Variants in MCF2L observed in about 807,000 individuals in gnomAD.
MCF2L encodes the protein guanine nucleotide exchange factor DBS.
In MCF2L, 97 loss-of-function variants were observed where a neutral mutation model predicts 153.4. The ratio of observed to expected loss-of-function variants is 0.63; its 90% CI spans 0.54 to 0.75. The LOEUF is 0.75. Among genes scored for constraint, MCF2L ranks in the 30% least tolerant of loss-of-function variants. The pLI, the probability that MCF2L is intolerant of heterozygous loss-of-function variation, is 0.00. For synonymous variants in MCF2L, 659 were observed against 632.2 expected (o/e 1.04, Z -0.64); for missense variants, 1,347 against 1,495.2 (o/e 0.90, Z 1.64).
At chr13:113,091,371 G>A (rs926912274) in intron 26 of MCF2L, among the ~76,000 whole-genome samples, 1 of 152,228 alleles carries the variant, frequency 6.6e-6, no homozygotes, top group African/African-American at 2.4e-5. Context: ...AGGTCCTCGA[G>A]GACAGCACGC....
At chr13:113,073,664 C>T (rs2033140913) in intron 9 of MCF2L, among the ~76,000 whole-genome samples, 1 of 152,216 alleles carries the variant, frequency 6.6e-6, no homozygotes, top group Non-Finnish European at 1.5e-5. Context: ...CCTGTAATCC[C>T]AGCACTGTGG....
chr13:113,023,581 G>A (rs1320521), intron 2 of MCF2L, among the ~76,000 whole-genome samples: 43,082 of 152,104 alleles, frequency 0.28, 6,238 homozygotes, highest in South Asian at 0.46. Context: ...GTGAGGACGT[G>A]GATGAGGGGC....
At chr13:113,037,647 A>G (rs1256258810) in intron 3 of MCF2L, among the ~76,000 whole-genome samples, 1 of 152,176 alleles carries the variant, frequency 6.6e-6, no homozygotes, top group Admixed American at 6.5e-5. Context: ...TTGTTTAAAA[A>G]TATGTTTGAG....
intron 26 of MCF2L, among the ~76,000 whole-genome samples, chr13:113,091,771 C>T (rs375159857): frequency 6.6e-6 from 1 of 151,816 alleles, no homozygotes; most frequent in East Asian, 2.0e-4. Context: ...GAAAACTGCC[C>T]TGTGAAGCCC....
chr13:113,017,064 C>T (rs1346800197), intron 2 of MCF2L, among the ~76,000 whole-genome samples: 2 of 152,220 alleles, frequency 1.3e-5, no homozygotes. Flanking sequence ...TCAGTGTCGG[C>T]TGGCGCTTCT....
chr13:113,010,616 T>C (rs989408132), intron 1 of MCF2L, among the ~76,000 whole-genome samples: 2 of 151,852 alleles, frequency 1.3e-5, no homozygotes, highest in African/African-American at 4.9e-5. Context: ...GGCCACCCCC[T>C]CGTCGGCCCC....
At chr13:113,084,337 C>CCTGAACCCCAGAACCTA in intron 18 of MCF2L, among the ~76,000 whole-genome samples, 1 of 151,662 alleles carries the variant, frequency 6.6e-6, no homozygotes, top group East Asian at 1.9e-4. Flanking sequence ...CCCAGAACCT[C>CCTGAACCCCAGAACCTA]CTGAACCCCA....
intron 3 of MCF2L, among the ~76,000 whole-genome samples, chr13:113,038,283 G>A (rs1461520335): frequency 6.6e-6 from 1 of 152,006 alleles, no homozygotes; most frequent in Non-Finnish European, 1.5e-5. Context: ...GGCTAACATG[G>A]TGAAACCCTG....
At position 113,031,866 on chromosome 13, in the gene MCF2L, C is replaced by CCACA. The variant is rs56360016; in HGVS notation, c.278+7129_278+7132dup. On this transcript the variant is annotated intron_variant, in intron 3 of 29. Transcript: ENST00000535094. The surrounding 1 kb of genome is among the most constrained non-coding windows in gnomAD (Gnocchi z 5.5). The stretch of plus-strand genomic sequence containing the variant: ...ACGCACCTACACAGGCTTGCACATG[C>CCACA]CACACACACACACACACACACACAG... 2.9e-4 allele frequency among the ~76,000 whole-genome samples: 44 copies of CCACA among 150,362 alleles called. No homozygotes were observed. The highest frequency in any genetic ancestry group is 8.8e-4 in the African/African-American group (36 of 40,876).
chr13:113,006,833 G>A (rs1053250273), intron 1 of MCF2L, among the ~76,000 whole-genome samples: 4 of 152,222 alleles, frequency 2.6e-5, no homozygotes, highest in African/African-American at 7.2e-5. Flanking sequence ...TCACATGTGC[G>A]GAGGTTTGGC....
intron 1 of MCF2L, among the ~76,000 whole-genome samples, chr13:112,977,410 A>G (rs2082253628): frequency 6.6e-6 from 1 of 152,068 alleles, no homozygotes. Context: ...GGCCCCCACC[A>G]GCCAGGAGAG....
rs948757429 is a variant in MCF2L, at chr13:113,031,339, C to T, written c.278+6581C>T. ...GAGGGCAGGGGTGGCAGCATCACTGCAGACAAGGAACTTAATGTAAACTGG... is the reference window on the plus strand; with the variant it reads ...GAGGGCAGGGGTGGCAGCATCACTGTAGACAAGGAACTTAATGTAAACTGG... On this transcript the variant is annotated intron_variant, in intron 3 of 29. Transcript: ENST00000535094. This position sits in a 1 kb window ranked among gnomAD's most constrained non-coding sequence, Gnocchi z 5.5. Among the ~76,000 whole-genome samples the T allele has an allele frequency of 1.3e-5, 2 of 152,098 alleles. No homozygotes were observed. The highest frequency in any genetic ancestry group is 4.8e-5 in the African/African-American group (2 of 41,402).
intron 2 of MCF2L, among the ~76,000 whole-genome samples, chr13:112,914,663 G>C (rs2140536848): frequency 6.6e-6 from 1 of 152,364 alleles, no homozygotes; most frequent in East Asian, 1.9e-4. Flanking sequence ...AGAATGGTGA[G>C]CTGCTCTCCC....
intron 4 of MCF2L, among the ~76,000 whole-genome samples, chr13:113,049,995 G>T (rs562016690): frequency 6.6e-6 from 1 of 152,134 alleles, no homozygotes; most frequent in East Asian, 1.9e-4. Flanking sequence ...GTGGGAGAAG[G>T]ATAGGTTCAC....
In MCF2L at chr13:113,081,224, G is replaced by T. The variant is rs773432986; in HGVS notation, c.1820G>T (p.Ser607Ile). 2.5e-6 allele frequency: 4 copies of T among 1,587,606 alleles called. No individual in the cohort carries two copies. Among genetic ancestry groups the T allele is most frequent in the African/African-American group, 1.3e-5 (1 of 74,802 alleles). ...SLAILRRHVM[S>I]ELLDTERAYV... ...TGACCTGCCACCAGGCACGTGATGA[G>T]CGAGCTCCTGGACACAGAACGGGCC... Residue 607 changes from serine (S) to isoleucine (I), a missense_variant, in exon 16 of 30, where the codon AGC (serine) becomes ATC (isoleucine). Ser to Ile is a moderately radical substitution (Grantham distance 142). Around this residue, in one of 3 missense-constraint regions of MCF2L, gnomAD observed 820 missense variants for 921.2 expected, o/e 0.89. Coordinates refer to ENST00000535094, the MANE Select transcript of MCF2L (RefSeq NM_001112732.3).
chr13:112,936,608 C>T (rs978500094), intron 2 of MCF2L, among the ~76,000 whole-genome samples: 1 of 152,122 alleles, frequency 6.6e-6, no homozygotes, highest in Non-Finnish European at 1.5e-5. Context: ...GTTTATTTAC[C>T]TAGAACTGCT....
intron 2 of MCF2L, among the ~76,000 whole-genome samples, chr13:112,914,096 T>G (rs1220500165): frequency 6.6e-6 from 1 of 152,188 alleles, no homozygotes; most frequent in Non-Finnish European, 1.5e-5. Flanking sequence ...TTCTTTCTTT[T>G]TTGGGTTTGT....
At chr13:112,963,512 C>T (rs1021291072) in intron 2 of MCF2L, among the ~76,000 whole-genome samples, 6 of 152,148 alleles carry the variant, frequency 3.9e-5, no homozygotes, top group African/African-American at 1.4e-4. Context: ...TCAGCAAGGG[C>T]CCTCAGGGGG....
intron 3 of MCF2L, among the ~76,000 whole-genome samples, chr13:113,038,303 A>C (rs186957832): frequency 8.3e-4 from 127 of 152,122 alleles, no homozygotes; most frequent in Admixed American, 7.5e-3. Flanking sequence ...GTCTCTACTA[A>C]AAATACAAAA....
Sources: gnomAD v4.1 joint callset for allele counts (sites outside exome capture counted in the v4.1 genomes callset) on GRCh38, gnomAD v4.1.1 for gene constraint, gnomAD v4.1.1 regional missense constraint, Gnocchi (gnomAD v3.1) non-coding constraint, MANE v1.5 for transcripts, NCBI Gene and HGNC (gene_info 2026-07-23, HGNC 2026-07-21) for gene names.